MYH3: variants seen among roughly 807,000 people sequenced by gnomAD.
MYH3 encodes the protein myosin heavy chain 3, also known as myosin-3.
In MYH3, 130 loss-of-function variants were observed where a neutral mutation model predicts 238.0. That is an observed-to-expected ratio of 0.55 (90% CI 0.47 to 0.63). The LOEUF (loss-of-function observed/expected upper bound fraction) is 0.63. Ranked by LOEUF, MYH3 falls within the 30% of genes least tolerant of loss-of-function variation. The pLI is 0.00. For missense variants in MYH3, 1,853 were observed against 2,374.9 expected, an observed-to-expected ratio of 0.78 and a Z score of 4.57; for synonymous variants, 880 against 924.1, an observed-to-expected ratio of 0.95 and a Z score of 0.86.
At position 10,629,855 on chromosome 17, in the gene MYH3, T is replaced by C. The variant is rs916629361; in HGVS notation, c.5645A>G (p.Gln1882Arg). Reference protein sequence around the residue: ...LQVKVKSYKRQAEEADEQANA... With the variant: ...LQVKVKSYKRRAEEADEQANA... ...TATCTCACTTACAGCCTCCTCCGCC[T>C]GCCTCTTGTAGGACTTGACTTTCAC... The change falls in exon 39 of 41, where the codon CAG (glutamine) becomes CGG (arginine). Residue 1882 changes from glutamine to arginine, a missense_variant. Gln to Arg is a conservative substitution (Grantham distance 43, BLOSUM62 1). This residue lies in a region of MYH3 where 1,044 missense variants were observed against 1,192.6 expected (regional missense o/e 0.88). Transcript: ENST00000583535. 1.9e-6 allele frequency: 3 copies of C among 1,614,104 alleles called. No individual in the cohort carries two copies. The highest frequency in any genetic ancestry group is 2.5e-6 in the Non-Finnish European group (3 of 1,180,014).
intron 8 of MYH3, 141 bp from the exon 9 acceptor site, chr17:10,647,567 A>G (rs1344647251): frequency 2.2e-6 from 2 of 905,362 alleles, no homozygotes; most frequent in Middle Eastern, 3.3e-4. Context: ...TGTTTTTGAG[A>G]CGGAGTCTCG....
At chr17:10,652,151 C>A in intron 4 of MYH3, 1 of 520,338 alleles carries the variant, frequency 1.9e-6, no homozygotes, top group Non-Finnish European at 3.5e-6. Flanking sequence ...GCGACCCTCC[C>A]ACAGTTGGTA....
chr17:10,637,162 C>T lies in MYH3; in HGVS notation c.3856+647G>A, dbSNP rs557216441. ...GCAACCTCCGCCTCCTGGGTTCAAG[C>T]GATTCTCCTGCCTCAGCCTCCCAAG... is the stretch of plus-strand genomic sequence containing the variant. On this transcript the variant is annotated intron_variant, in intron 28 of 40. Coordinates refer to ENST00000583535, the MANE Select transcript of MYH3 (RefSeq NM_002470.4). Among the ~76,000 whole-genome samples, 464 of 151,660 alleles carry T rather than the reference C, an allele frequency of 3.1e-3. 3 individuals carry two copies. The highest frequency in any genetic ancestry group is 0.011 in the African/African-American group (440 of 41,360).
the MYH3 span, among the ~76,000 whole-genome samples, chr17:10,671,997 A>C: frequency 6.6e-6 from 1 of 152,340 alleles, no homozygotes; most frequent in Non-Finnish European, 1.5e-5. Context: ...CAAGCCTAGT[A>C]ATGGTTTACT....
At position 10,633,710 on chromosome 17, in the gene MYH3, T is replaced by A; in HGVS notation, c.4528A>T (p.Ile1510Leu). The A allele has an allele frequency of 6.2e-7, 1 of 1,614,032 alleles. No homozygotes were observed. The highest frequency in any genetic ancestry group is 8.5e-7 in the Non-Finnish European group (1 of 1,180,018). ...GCAATTTGTTCTGTGAGATCTGCTA[T>A]CTCCTCTGTAAAGAAGTAAGTTTCA... is the stretch of plus-strand genomic sequence containing the variant. ...KRENKNLEQE[I>L]ADLTEQIAEN... Residue 1510 changes from isoleucine to leucine, a missense_variant, in exon 33 of 41, where the codon ATA (isoleucine) becomes TTA (leucine). Transcript: ENST00000583535.
At position 10,635,000 on chromosome 17, in the gene MYH3, T is replaced by C. The variant is rs1271594487; in HGVS notation, c.4196A>G (p.Gln1399Arg). Reference protein sequence around the residue: ...EAKKKLAQRLQDSEEQVEAVN... With the variant: ...EAKKKLAQRLRDSEEQVEAVN... ...TGCCTCAACCTGTTCCTCGGAATCTTGAAGGCGCTGAGCAAGTTTTTTCCT... is the reference window on the plus strand; with the variant it reads ...TGCCTCAACCTGTTCCTCGGAATCTCGAAGGCGCTGAGCAAGTTTTTTCCT... The change falls in exon 31 of 41, where the codon CAA (glutamine) becomes CGA (arginine). Residue 1399 changes from glutamine (Q) to arginine (R), a missense_variant. Gln to Arg is a conservative substitution (Grantham distance 43). This residue lies in a region of MYH3 where 1,044 missense variants were observed against 1,192.6 expected (regional missense o/e 0.88). Transcript: ENST00000583535. 6.2e-7 allele frequency: 1 copy of C among 1,614,042 alleles called. No individual in the cohort carries two copies. Among genetic ancestry groups the C allele is most frequent in the Non-Finnish European group, 8.5e-7 (1 of 1,180,044 alleles).
intron 19 of MYH3, among the ~76,000 whole-genome samples, 158 bp downstream of exon 19, chr17:10,640,925 CAA>C (rs1417481948): frequency 1.3e-5 from 2 of 152,184 alleles, no homozygotes; most frequent in African/African-American, 2.4e-5. Flanking sequence ...ATGGAAGAAA[CAA>C]ATATATATAA....
At chr17:10,637,232 G>A (rs1383601855) in intron 28 of MYH3, among the ~76,000 whole-genome samples, 2 of 151,902 alleles carry the variant, frequency 1.3e-5, no homozygotes. Flanking sequence ...GCTAATTTTT[G>A]TATTTTTAAT....
chr17:10,635,097 GA>G, intron 30 of MYH3, 74 bp from the exon 31 acceptor site: 1 of 1,495,720 alleles, frequency 6.7e-7, no homozygotes. Flanking sequence ...CATCAAGTTG[GA>G]ATCACTAATC....
rs369594462 is a variant in MYH3 at position 10,634,191 on chromosome 17, C to T, written c.4357-9G>A. On this transcript the variant is annotated splice_polypyrimidine_tract_variant and intron_variant, in intron 31 of 40. Coordinates refer to ENST00000583535, the MANE Select transcript of MYH3 (RefSeq NM_002470.4). ...TTCCACTCTGCCAACACCTGAAACA[C>T]CGGACGGAAGTTCTCTCCGTTTCTG... 9.7e-5 allele frequency: 156 copies of T among 1,614,032 alleles called. No individual in the cohort carries two copies. Among genetic ancestry groups the T allele is most frequent in the Non-Finnish European group, 1.3e-4 (149 of 1,180,034 alleles).
At position 10,654,720 on chromosome 17, in the gene MYH3, G is replaced by A; in HGVS notation, c.204+141C>T. ...CTCTGCTTTCTCTGAGGATACCTGG[G>A]AAGCCCCAGGCTACATTGTATGCGG... On this transcript the variant is annotated intron_variant, in intron 3 of 40. Transcript: ENST00000583535. The surrounding 1 kb of genome is among the most constrained non-coding windows in gnomAD (Gnocchi z 4.5). The A allele has an allele frequency of 1.2e-6, 1 of 815,394 alleles. No homozygotes were observed. The highest frequency in any genetic ancestry group is 2.2e-6 in the Non-Finnish European group (1 of 463,282). 50.5% of individuals were successfully genotyped at this position (815,394 alleles called of 1,614,324 possible).
Position 10,645,690 on chromosome 17 carries a change from T to C in MYH3, c.1141+17A>G. 4.3e-6 allele frequency: 7 copies of C among 1,612,036 alleles called. No homozygotes were observed. Among genetic ancestry groups the C allele is most frequent in the Non-Finnish European group, 5.9e-6 (7 of 1,179,924 alleles). ...ATCAGCCACCCGCTCTGGTTTGCTG[T>C]CACACTGATTTTGTACCTTCTGTGC... On this transcript the variant is annotated intron_variant, in intron 12 of 40. Coordinates refer to ENST00000583535, the MANE Select transcript of MYH3 (RefSeq NM_002470.4).
At chr17:10,650,799 A>G (rs2074366946) in intron 5 of MYH3, among the ~76,000 whole-genome samples, 1 of 152,208 alleles carries the variant, frequency 6.6e-6, no homozygotes, top group South Asian at 2.1e-4. Context: ...ACAGATCACC[A>G]GCACCGATTT....
At chr17:10,666,311 G>A in the MYH3 span, among the ~76,000 whole-genome samples, 5 of 152,204 alleles carry the variant, frequency 3.3e-5, no homozygotes, top group African/African-American at 1.2e-4. Flanking sequence ...TAGGCACAGT[G>A]GCTTATGCTT....
At chr17:10,632,388 G>A (rs927553466) in intron 34 of MYH3, 88 bp downstream of exon 34, 5 of 1,449,628 alleles carry the variant, frequency 3.4e-6, no homozygotes, top group Admixed American at 3.3e-5. Flanking sequence ...CAGAGCGCTG[G>A]GACTACAGGC....
At chr17:10,643,144 G>T (rs774020442) in intron 14 of MYH3, 148 bp from the exon 15 acceptor site, 2 of 1,436,032 alleles carry the variant, frequency 1.4e-6, no homozygotes, top group East Asian at 4.9e-5. Flanking sequence ...GCCTCAGACC[G>T]CATCTCCTCC....
chr17:10,663,464 T>C, the MYH3 span, among the ~76,000 whole-genome samples: 1 of 152,000 alleles, frequency 6.6e-6, no homozygotes. Flanking sequence ...AAGTCAAGGG[T>C]GCAAGAAGGC....
intron 28 of MYH3, among the ~76,000 whole-genome samples, chr17:10,637,251 G>A (rs2074224479): frequency 6.6e-6 from 1 of 151,956 alleles, no homozygotes; most frequent in African/African-American, 2.4e-5. Flanking sequence ...ATAGAGACGG[G>A]GTTTCACCAT....
rs779200510 is a variant in MYH3 at position 10,630,137 on chromosome 17, C to T, written c.5517G>A (p.Lys1839=). 1.2e-6 allele frequency: 2 copies of T among 1,614,186 alleles called. No homozygotes were observed. Among genetic ancestry groups the T allele is most frequent in the Non-Finnish European group, 1.7e-6 (2 of 1,180,044 alleles). The part of the protein sequence containing the change: ...GEQKKNTESV[K]GLRKYERRVK... Reference sequence around the variant, plus strand: ...CCCTCCGCTCATACTTCCTCAGGCCCTTAACAGACTCTGTGTTCTTCTTCT... The same window carrying T: ...CCCTCCGCTCATACTTCCTCAGGCCTTTAACAGACTCTGTGTTCTTCTTCT... The change falls in exon 38 of 41, where the codon AAG becomes AAA. Residue 1839 remains lysine, a synonymous_variant. Transcript: ENST00000583535.
Sources: gnomAD v4.1 joint callset for allele counts (sites outside exome capture counted in the v4.1 genomes callset) on GRCh38, gnomAD v4.1.1 for gene constraint, gnomAD v4.1.1 regional missense constraint, Gnocchi (gnomAD v3.1) non-coding constraint, MANE v1.5 for transcripts, NCBI Gene and HGNC (gene_info 2026-07-23, HGNC 2026-07-21) for gene names.